HIBCH: variants seen among roughly 807,000 people sequenced by gnomAD.
HIBCH encodes the protein 3-hydroxyisobutyryl-CoA hydrolase, also known as 3-hydroxyisobutyryl-CoA hydrolase, mitochondrial.
A neutral mutation model predicts 58.2 loss-of-function variants in HIBCH; 50 were observed. The ratio of observed to expected loss-of-function variants is 0.86; its 90% CI spans 0.68 to 1.09. HIBCH has a LOEUF of 1.09. Among genes scored for constraint, HIBCH ranks in the 50% least tolerant of loss-of-function variants. The pLI, the probability that HIBCH is intolerant of heterozygous loss-of-function variation, is 0.00. For missense variants in HIBCH, 450 were observed against 449.7 expected, an observed-to-expected ratio of 1.00 and a Z score of -0.01; for synonymous variants, 151 against 146.9, an observed-to-expected ratio of 1.03 and a Z score of -0.20.
In HIBCH at chr2:190,243,301, C is replaced by A. The variant is rs546593557; in HGVS notation, c.891+1586G>T. On this transcript the variant is annotated intron_variant, in intron 11 of 13. Coordinates refer to ENST00000359678, the MANE Select transcript of HIBCH (RefSeq NM_014362.4). This position sits in a 1 kb window ranked among gnomAD's most constrained non-coding sequence, Gnocchi z 4.1. ...ATGCTTCCTGCCCTTGAACATCAGA[C>A]CCCAAGTTCTTCAGTTTTGATACTC... Among the ~76,000 whole-genome samples, 13 of 152,186 alleles carry A rather than the reference C, an allele frequency of 8.5e-5. No individual in the cohort carries two copies. The highest frequency in any genetic ancestry group is 2.9e-4 in the African/African-American group (12 of 41,446).
rs3791808 is a variant in HIBCH, at chr2:190,317,602, C to A, written c.35+2114G>T. On this transcript the variant is annotated intron_variant, in intron 1 of 13. Coordinates refer to ENST00000359678, the MANE Select transcript of HIBCH (RefSeq NM_014362.4). ...GGCAGGCACTGAAGTAAAACCTTAG[C>A]GAGATTAACCTGGCAATCTTGTACA... is the stretch of plus-strand genomic sequence containing the variant. 9.0e-3 allele frequency among the ~76,000 whole-genome samples: 1,376 copies of A among 152,186 alleles called. 68 individuals carry two copies. The highest frequency in any genetic ancestry group is 0.071 in the Admixed American group (1,084 of 15,284).
Position 190,281,428 on chromosome 2 carries a change from C to T in HIBCH, c.438+6158G>A, listed in dbSNP as rs1687701501. 6.6e-6 allele frequency among the ~76,000 whole-genome samples: 1 copy of T among 152,140 alleles called. No homozygotes were observed. The highest frequency in any genetic ancestry group is 6.5e-5 in the Admixed American group (1 of 15,272). On this transcript the variant is annotated intron_variant, in intron 6 of 13. Coordinates refer to ENST00000359678, the MANE Select transcript of HIBCH (RefSeq NM_014362.4). The surrounding 1 kb of genome is among the most constrained non-coding windows in gnomAD (Gnocchi z 5.4). Reference sequence around the variant, plus strand: ...ATTCTGGGAGCAGAGGCCCAAGCAGCCCCGGGCGGTAAGCTTATAGGGGGA... The same window carrying T: ...ATTCTGGGAGCAGAGGCCCAAGCAGTCCCGGGCGGTAAGCTTATAGGGGGA...
At position 190,252,902 on chromosome 2, in the gene HIBCH, T is replaced by C. The variant is rs942476925; in HGVS notation, c.518-595A>G. On this transcript the variant is annotated intron_variant, in intron 7 of 13. Coordinates refer to ENST00000359678, the MANE Select transcript of HIBCH (RefSeq NM_014362.4). ...CTACGGGTAACAACTGAAAATAGCA[T>C]ATAAGGCTAGGCGCGGTGGCTCACA... 4.6e-5 allele frequency among the ~76,000 whole-genome samples: 7 copies of C among 152,108 alleles called. No individual in the cohort carries two copies. In the South Asian group the frequency reaches 1.2e-3, roughly 27 times the overall value.
intron 6 of HIBCH, among the ~76,000 whole-genome samples, chr2:190,265,769 A>G (rs1687215663): frequency 6.6e-6 from 1 of 152,168 alleles, no homozygotes; most frequent in Non-Finnish European, 1.5e-5. Context: ...CATTTCATCA[A>G]AATTTTGAAA....
intron 11 of HIBCH, among the ~76,000 whole-genome samples, chr2:190,230,514 G>T (rs1027759744): frequency 6.6e-6 from 1 of 152,184 alleles, no homozygotes; most frequent in Admixed American, 6.5e-5. Context: ...GGCCAATAAG[G>T]TGAAACCCCG....
In HIBCH at chr2:190,236,815, A is replaced by G. The variant is rs1686288952; in HGVS notation, c.891+8072T>C. Among the ~76,000 whole-genome samples, 1 of 152,234 alleles carries G rather than the reference A, an allele frequency of 6.6e-6. No individual in the cohort carries two copies. The highest frequency in any genetic ancestry group is 1.5e-5 in the Non-Finnish European group (1 of 68,026). ...AAATGAAAAGATACTATCTAAAGAT[A>G]CAAGTACTACTATTTTATGTTTCCT... On this transcript the variant is annotated intron_variant, in intron 11 of 13. Transcript: ENST00000359678. The surrounding 1 kb of genome is among the most constrained non-coding windows in gnomAD (Gnocchi z 4.1).
At chr2:190,201,497 T>C (rs372662632), downstream of HIBCH, 10 of 167,092 alleles carry the variant, frequency 6.0e-5, no homozygotes, top group East Asian at 5.8e-4. Flanking sequence ...TATTGAAATA[T>C]AAAGGTTAAA....
chr2:190,221,615 T>C (rs34760043), intron 11 of HIBCH, among the ~76,000 whole-genome samples: 45,785 of 152,002 alleles, frequency 0.3, 7,787 homozygotes, highest in East Asian at 0.45. Flanking sequence ...GAAACCACGG[T>C]CCAAAGTGAG....
Position 190,211,419 on chromosome 2 carries a change from T to C in HIBCH, c.1011+1537A>G, listed in dbSNP as rs765350234. Among the ~76,000 whole-genome samples the C allele has an allele frequency of 6.6e-6, 1 of 152,208 alleles. No individual in the cohort carries two copies. The highest frequency in any genetic ancestry group is 1.5e-5 in the Non-Finnish European group (1 of 68,034). ...CACCTGGATCACTGCAGGAAATCTA[T>C]ATCTGGTCTCTAAACCGTTCTTGAA... On this transcript the variant is annotated intron_variant, in intron 12 of 13. Transcript: ENST00000359678. This position sits in a 1 kb window ranked among gnomAD's most constrained non-coding sequence, Gnocchi z 5.0.
At chr2:190,317,720 G>A (rs1688739333) in intron 1 of HIBCH, among the ~76,000 whole-genome samples, 1 of 152,202 alleles carries the variant, frequency 6.6e-6, no homozygotes, top group East Asian at 1.9e-4. Context: ...GTTTGGGAGT[G>A]TGGGAGAACT....
chr2:190,267,894 C>A (rs1190241696), intron 6 of HIBCH, among the ~76,000 whole-genome samples: 1 of 152,160 alleles, frequency 6.6e-6, no homozygotes, highest in South Asian at 2.1e-4. Flanking sequence ...TTAAGTCCAG[C>A]TTCAAATTCT....
intron 11 of HIBCH, among the ~76,000 whole-genome samples, chr2:190,244,205 C>T (rs150152679): frequency 1.2e-4 from 19 of 152,130 alleles, no homozygotes; most frequent in African/African-American, 4.3e-4. Flanking sequence ...AGCTAAAACA[C>T]CTTTTAAGTA....
In HIBCH at chr2:190,281,923, C is replaced by T. The variant is rs1687715482; in HGVS notation, c.438+5663G>A. Among the ~76,000 whole-genome samples the T allele has an allele frequency of 6.6e-6, 1 of 152,134 alleles. No homozygotes were observed. On this transcript the variant is annotated intron_variant, in intron 6 of 13. Coordinates refer to ENST00000359678, the MANE Select transcript of HIBCH (RefSeq NM_014362.4). This position sits in a 1 kb window ranked among gnomAD's most constrained non-coding sequence, Gnocchi z 5.4. ...TTTATTACAAGGATGCTCTTTACTC[C>T]AATATCTTGTTCCTCATTTTCATCC...
At chr2:190,250,490 T>C (rs1358614141) in intron 8 of HIBCH, 15 of 397,768 alleles carry the variant, frequency 3.8e-5, no homozygotes, top group Middle Eastern at 7.2e-4. Flanking sequence ...TGAGAATGTC[T>C]GTCTACTCAT....
intron 11 of HIBCH, chr2:190,213,388 C>T (rs1690558975): frequency 2.9e-6 from 1 of 340,542 alleles, no homozygotes; most frequent in Admixed American, 4.3e-5. Context: ...TCAATACACA[C>T]CTTACAAACC....
intron 6 of HIBCH, among the ~76,000 whole-genome samples, chr2:190,266,046 A>C (rs984521253): frequency 6.6e-6 from 1 of 151,336 alleles, no homozygotes; most frequent in African/African-American, 2.4e-5. Flanking sequence ...GTTACTGCTT[A>C]TGTTCCAAAC....
chr2:190,225,613 T>C (rs576129008), intron 11 of HIBCH, among the ~76,000 whole-genome samples: 4 of 152,182 alleles, frequency 2.6e-5, no homozygotes, highest in Admixed American at 6.5e-5. Context: ...GGCTCTGAAA[T>C]TGAGGCAATA....
intron 11 of HIBCH, among the ~76,000 whole-genome samples, chr2:190,227,396 T>G (rs1685939839): frequency 6.6e-6 from 1 of 152,166 alleles, no homozygotes; most frequent in African/African-American, 2.4e-5. Flanking sequence ...GATCCCTTCC[T>G]TACACCTTAT....
chr2:190,294,421 T>C, intron 4 of HIBCH, 125 bp downstream of exon 4: 1 of 693,924 alleles, frequency 1.4e-6, no homozygotes, highest in Non-Finnish European at 2.5e-6. Context: ...CCTAAGAATG[T>C]ATTAACTTTA....
Sources: gnomAD v4.1 joint callset for allele counts (sites outside exome capture counted in the v4.1 genomes callset) on GRCh38, gnomAD v4.1.1 for gene constraint, Gnocchi (gnomAD v3.1) non-coding constraint, MANE v1.5 for transcripts, NCBI Gene and HGNC (gene_info 2026-07-23, HGNC 2026-07-21) for gene names.